Variants in DCUN1D4 observed in about 807,000 individuals in gnomAD.
DCUN1D4 encodes the protein defective in cullin neddylation 1 domain containing 4, also known as DCN1-like protein 4.
A neutral mutation model predicts 47.9 loss-of-function variants in DCUN1D4; 22 were observed. The observed-to-expected ratio is 0.46, with a 90% CI of 0.33 to 0.66. DCUN1D4 has a LOEUF of 0.66. Among genes scored for constraint, DCUN1D4 ranks in the 30% least tolerant of loss-of-function variants. The pLI, the probability that DCUN1D4 is intolerant of heterozygous loss-of-function variation, is 0.02. For missense variants in DCUN1D4, 301 were observed against 340.8 expected, an observed-to-expected ratio of 0.88 and a Z score of 0.92; for synonymous variants, 121 against 112.2, an observed-to-expected ratio of 1.08 and a Z score of -0.50.
chr4:51,893,614 A>G (rs1335893525), intron 7 of DCUN1D4, among the ~76,000 whole-genome samples: 1 of 151,956 alleles, frequency 6.6e-6, no homozygotes, highest in Non-Finnish European at 1.5e-5. Context: ...TTTAGTAGAG[A>G]CGGGGTTTCG....
intron 1 of DCUN1D4, among the ~76,000 whole-genome samples, chr4:51,860,246 G>A (rs1724838002): frequency 6.6e-6 from 1 of 152,022 alleles, no homozygotes; most frequent in Non-Finnish European, 1.5e-5. Context: ...TGATGATGTG[G>A]TAGCAATAGG....
chr4:51,854,738 T>C (rs955206007), intron 1 of DCUN1D4, among the ~76,000 whole-genome samples: 1 of 152,262 alleles, frequency 6.6e-6, no homozygotes. Flanking sequence ...TCAGTAACTA[T>C]TTTTAAAGCA....
At chr4:51,882,455 C>T (rs999486350) in intron 5 of DCUN1D4, among the ~76,000 whole-genome samples, 6 of 152,136 alleles carry the variant, frequency 3.9e-5, no homozygotes, top group African/African-American at 1.4e-4. Context: ...CAAATGCAGG[C>T]GGCTTGCTAG....
At chr4:51,848,331 G>A in intron 1 of DCUN1D4, 3 of 1,285,734 alleles carry the variant, frequency 2.3e-6, no homozygotes, top group South Asian at 2.5e-5. Flanking sequence ...TCTCGTGTCA[G>A]CGTCCTACCT....
upstream of DCUN1D4, among the ~76,000 whole-genome samples, chr4:51,838,664 T>A (rs1046513063): frequency 6.6e-6 from 1 of 152,202 alleles, no homozygotes; most frequent in African/African-American, 2.4e-5. Context: ...GTTTCAGGCA[T>A]GAGCCACCAT....
At chr4:51,892,337 G>A (rs4865416) in intron 7 of DCUN1D4, among the ~76,000 whole-genome samples, 64,744 of 151,844 alleles carry the variant, frequency 0.43, 16,070 homozygotes, top group African/African-American at 0.69. Context: ...GGTTTATTTT[G>A]TGATCCATCT....
At chr4:51,894,704 A>G (rs1730965984) in intron 7 of DCUN1D4, among the ~76,000 whole-genome samples, 1 of 152,136 alleles carries the variant, frequency 6.6e-6, no homozygotes, top group African/African-American at 2.4e-5. Context: ...TTTGTCTTCT[A>G]TTTTGGATTT....
intron 3 of DCUN1D4, chr4:51,865,155 TTCAA>T: frequency 4.7e-6 from 1 of 210,928 alleles, no homozygotes; most frequent in African/African-American, 2.3e-5. Context: ...TGAACTGCAG[TTCAA>T]TCACCTTTTT....
upstream of DCUN1D4, among the ~76,000 whole-genome samples, chr4:51,838,376 CTTTA>C (rs965293722): frequency 4.0e-5 from 6 of 151,834 alleles, no homozygotes; most frequent in South Asian, 2.1e-4. Flanking sequence ...CCTGGTTTCA[CTTTA>C]TTTATTTATT....
At chr4:51,862,085 A>G (rs1165096262) in intron 1 of DCUN1D4, among the ~76,000 whole-genome samples, 2 of 152,214 alleles carry the variant, frequency 1.3e-5, no homozygotes, top group Admixed American at 6.5e-5. Flanking sequence ...CAATTCAAGC[A>G]TGTCTATATT....
upstream of DCUN1D4, among the ~76,000 whole-genome samples, chr4:51,840,356 G>A (rs913326745): frequency 4.6e-5 from 7 of 152,290 alleles, no homozygotes; most frequent in East Asian, 1.3e-3. Context: ...AAGCAGACTT[G>A]TATTAGATTG....
chr4:51,910,845 A>G, intron 8 of DCUN1D4: 1 of 549,868 alleles, frequency 1.8e-6, no homozygotes. Flanking sequence ...CATTCAGTTG[A>G]CATAAATCTT....
In DCUN1D4 at chr4:51,890,158, A is replaced by G. The variant is rs567718377; in HGVS notation, c.415-1602A>G. Among the ~76,000 whole-genome samples the G allele has an allele frequency of 3.3e-5, 5 of 152,292 alleles. No homozygotes were observed. In the South Asian group the frequency reaches 1.0e-3, roughly 32 times the overall value. ...AAACTAGCTTATTGGCAGACAGATT[A>G]AAAAGAAGAGCTTCTGAATCTCCTA... On this transcript the variant is annotated intron_variant, in intron 6 of 10. Coordinates refer to ENST00000334635, the MANE Select transcript of DCUN1D4 (RefSeq NM_001040402.3).
At chr4:51,890,659 T>C (rs1163776216) in intron 6 of DCUN1D4, among the ~76,000 whole-genome samples, 1 of 152,182 alleles carries the variant, frequency 6.6e-6, no homozygotes, top group African/African-American at 2.4e-5. Flanking sequence ...TCTTTTTTAG[T>C]TACTTCTCAC....
At chr4:51,836,185 A>AACAT in the DCUN1D4 span, among the ~76,000 whole-genome samples, 10 of 152,188 alleles carry the variant, frequency 6.6e-5, no homozygotes, top group Admixed American at 2.6e-4. Flanking sequence ...TGAATGTTTA[A>AACAT]TCTAGGAATT....
At chr4:51,912,845 T>C (rs551977768) in intron 9 of DCUN1D4, among the ~76,000 whole-genome samples, 1 of 152,360 alleles carries the variant, frequency 6.6e-6, no homozygotes, top group Non-Finnish European at 1.5e-5. Flanking sequence ...TGGGCAGTGC[T>C]GGTTATGTCA....
chr4:51,878,130 A>G (rs1176495994), intron 5 of DCUN1D4, among the ~76,000 whole-genome samples: 1 of 152,152 alleles, frequency 6.6e-6, no homozygotes, highest in East Asian at 1.9e-4. Context: ...ACCTATTTGG[A>G]ATGCTGATAA....
chr4:51,854,082 G>T (rs1723774734), intron 1 of DCUN1D4, among the ~76,000 whole-genome samples: 1 of 152,138 alleles, frequency 6.6e-6, no homozygotes, highest in Non-Finnish European at 1.5e-5. Context: ...CTAGGTTTTG[G>T]TTTTTCCTAG....
intron 8 of DCUN1D4, among the ~76,000 whole-genome samples, chr4:51,908,618 A>T (rs1733256778): frequency 6.6e-6 from 1 of 151,944 alleles, no homozygotes. Flanking sequence ...ATGCCTATAA[A>T]GTTGATGGCT....
Sources: allele counts gnomAD v4.1 joint callset (sites outside exome capture counted in the v4.1 genomes callset), GRCh38; gene constraint gnomAD v4.1.1; transcripts MANE v1.5; gene names NCBI Gene and HGNC (gene_info 2026-07-23, HGNC 2026-07-21).